The following MYRIP variants were observed in gnomAD, a reference collection of about 807,000 sequenced individuals.
The protein encoded by MYRIP is myosin VIIA and Rab interacting protein.
Under a neutral mutation model 98.0 loss-of-function variants are expected in MYRIP, and 49 were observed. That is an observed-to-expected ratio of 0.50 (90% CI 0.40 to 0.63). The LOEUF is 0.63. Ranked by LOEUF, MYRIP falls within the 30% of genes least tolerant of loss-of-function variation. The pLI is 0.00. For missense variants in MYRIP, 1,004 were observed against 1,058.2 expected (o/e 0.95, Z 0.71); for synonymous variants, 404 against 409.5 (o/e 0.99, Z 0.16).
chr3:40,239,416 T>G (rs1275561438), intron 12 of MYRIP, among the ~76,000 whole-genome samples: 1 of 149,070 alleles, frequency 6.7e-6, no homozygotes, highest in African/African-American at 2.6e-5. Context: ...CCTTTGGGTA[T>G]ATACCCAGTA....
chr3:40,067,371 T>C (rs1948144355), intron 3 of MYRIP, among the ~76,000 whole-genome samples: 1 of 152,184 alleles, frequency 6.6e-6, no homozygotes, highest in Non-Finnish European at 1.5e-5. Flanking sequence ...CTCAATCTAA[T>C]TGTCTAGAGG....
At chr3:40,240,224 G>A (rs962944821) in intron 12 of MYRIP, among the ~76,000 whole-genome samples, 4 of 151,974 alleles carry the variant, frequency 2.6e-5, no homozygotes, top group African/African-American at 9.7e-5. Context: ...TTGTAGATAT[G>A]CGGCATTATT....
chr3:39,960,134 C>G (rs1187635429), intron 2 of MYRIP, among the ~76,000 whole-genome samples: 1 of 152,064 alleles, frequency 6.6e-6, no homozygotes, highest in African/African-American at 2.4e-5. Context: ...ACTTGTTCCT[C>G]CAGTCCCCAT....
At chr3:40,238,171 C>T (rs1033234235) in intron 12 of MYRIP, among the ~76,000 whole-genome samples, 1 of 152,216 alleles carries the variant, frequency 6.6e-6, no homozygotes, top group African/African-American at 2.4e-5. Flanking sequence ...TCCCTTCCCC[C>T]ATCCTTCAGC....
chr3:40,217,401 A>G (rs1952157963), intron 11 of MYRIP, among the ~76,000 whole-genome samples: 1 of 152,204 alleles, frequency 6.6e-6, no homozygotes, highest in African/African-American at 2.4e-5. Context: ...GATGTAGTCT[A>G]AGAATGTAAT....
intron 2 of MYRIP, among the ~76,000 whole-genome samples, chr3:39,943,712 G>C (rs1944840283): frequency 6.6e-6 from 1 of 152,142 alleles, no homozygotes; most frequent in Non-Finnish European, 1.5e-5. Flanking sequence ...TTAGCAATAA[G>C]ATACAGACCC....
At chr3:40,133,754 T>C (rs980397792) in intron 3 of MYRIP, among the ~76,000 whole-genome samples, 2 of 152,142 alleles carry the variant, frequency 1.3e-5, no homozygotes, top group African/African-American at 4.8e-5. Flanking sequence ...AAAAAATGTA[T>C]GTTTTGAATT....
intron 3 of MYRIP, chr3:40,100,131 A>G: frequency 1.0e-6 from 1 of 985,438 alleles, no homozygotes; most frequent in Non-Finnish European, 1.2e-6. Flanking sequence ...TCTGGCCATG[A>G]GGACATGGAG....
At chr3:39,833,748 C>T (rs1402709292) in intron 1 of MYRIP, among the ~76,000 whole-genome samples, 2 of 152,158 alleles carry the variant, frequency 1.3e-5, no homozygotes, top group Non-Finnish European at 2.9e-5. Flanking sequence ...GGGCCAGGCA[C>T]GGTGGCTCAC....
chr3:40,160,166 G>A (rs1301348383), intron 4 of MYRIP, among the ~76,000 whole-genome samples: 1 of 152,186 alleles, frequency 6.6e-6, no homozygotes, highest in Non-Finnish European at 1.5e-5. Flanking sequence ...GTAGAGATGG[G>A]TTTTTGGTGT....
At chr3:39,956,507 T>C (rs7634924) in intron 2 of MYRIP, among the ~76,000 whole-genome samples, 1 of 151,954 alleles carries the variant, frequency 6.6e-6, no homozygotes, top group Admixed American at 6.6e-5. Flanking sequence ...CATATCAGAA[T>C]CTCTGAGACA....
chr3:39,828,030 C>G (rs1378008855), intron 1 of MYRIP, among the ~76,000 whole-genome samples: 1 of 151,854 alleles, frequency 6.6e-6, no homozygotes, highest in Non-Finnish European at 1.5e-5. Context: ...TTGTCTTAGA[C>G]TTTTGACAGT....
At chr3:39,900,655 G>C in intron 1 of MYRIP, 132 bp from the exon 2 acceptor site, 1 of 490,036 alleles carries the variant, frequency 2.0e-6, no homozygotes. Context: ...CTGAGTCTGA[G>C]TCAAGAGAAA....
chr3:39,843,687 A>G (rs891510860), intron 1 of MYRIP, among the ~76,000 whole-genome samples: 5 of 152,224 alleles, frequency 3.3e-5, no homozygotes, highest in African/African-American at 1.2e-4. Flanking sequence ...CAGTGCAAAC[A>G]GGAGCGTTAC....
intron 3 of MYRIP, among the ~76,000 whole-genome samples, chr3:40,099,834 GA>G (rs1050228559): frequency 1.5e-4 from 23 of 151,906 alleles, no homozygotes; most frequent in African/African-American, 5.3e-4. Context: ...AAGAAAGTGG[GA>G]AAAAAAAGTA....
chr3:39,810,641 G>A (rs1940649407), intron 1 of MYRIP: 1 of 152,322 alleles, frequency 6.6e-6, no homozygotes. Context: ...TTCAGTGGTG[G>A]GAACCCCAAG....
At chr3:40,061,057 T>C (rs909673340) in intron 3 of MYRIP, among the ~76,000 whole-genome samples, 5 of 152,216 alleles carry the variant, frequency 3.3e-5, no homozygotes, top group African/African-American at 1.2e-4. Flanking sequence ...CCCTACTTTT[T>C]GATGGAAAGA....
chr3:40,124,233 G>T (rs967469397), intron 3 of MYRIP, among the ~76,000 whole-genome samples: 4 of 152,154 alleles, frequency 2.6e-5, no homozygotes, highest in African/African-American at 7.2e-5. Flanking sequence ...TTCCATCAAA[G>T]CTGTACTTCA....
At chr3:40,183,712 C>T (rs1432872534) in intron 9 of MYRIP, among the ~76,000 whole-genome samples, 5 of 152,184 alleles carry the variant, frequency 3.3e-5, no homozygotes, top group African/African-American at 1.2e-4. Flanking sequence ...TTTGTCTTCA[C>T]ATGAAGAAAG....
Sources: gnomAD v4.1 joint callset for allele counts (sites outside exome capture counted in the v4.1 genomes callset) on GRCh38, gnomAD v4.1.1 for gene constraint, MANE v1.5 for transcripts, NCBI Gene and HGNC (gene_info 2026-07-23, HGNC 2026-07-21) for gene names.